RANBP3L: variants seen among roughly 807,000 people sequenced by gnomAD.
The protein encoded by RANBP3L is ran-binding protein 3-like.
Under a neutral mutation model 67.2 loss-of-function variants are expected in RANBP3L, and 56 were observed. The ratio of observed to expected loss-of-function variants is 0.83; its 90% CI spans 0.67 to 1.04. The LOEUF is 1.04. RANBP3L is among the 50% of genes least tolerant of loss of function. RANBP3L has a pLI of 0.00. For missense variants in RANBP3L, 496 were observed against 535.5 expected (o/e 0.93, Z 0.73); for synonymous variants, 164 against 181.4 (o/e 0.90, Z 0.77).
At chr5:36,260,710 T>C (rs1456343382) in intron 8 of RANBP3L, 70 bp downstream of exon 8, 1 of 669,474 alleles carries the variant, frequency 1.5e-6, no homozygotes, top group African/African-American at 1.9e-5. Flanking sequence ...TTACTTTTAA[T>C]TAATTTACCT....
intron 1 of RANBP3L, among the ~76,000 whole-genome samples, chr5:36,293,778 TG>T (rs576302268): frequency 0.018 from 2,765 of 149,640 alleles, 50 homozygotes; most frequent in African/African-American, 0.042. Flanking sequence ...ATAAGCTTTT[TG>T]ATATGCTGCT....
chr5:36,260,092 G>A (rs1032899357), intron 8 of RANBP3L, among the ~76,000 whole-genome samples: 1 of 151,854 alleles, frequency 6.6e-6, no homozygotes, highest in East Asian at 1.9e-4. Flanking sequence ...ATTGGCTCAA[G>A]CTTATAATCC....
chr5:36,292,217 C>G (rs1025919895), intron 1 of RANBP3L, among the ~76,000 whole-genome samples: 2 of 152,058 alleles, frequency 1.3e-5, no homozygotes, highest in South Asian at 4.1e-4. Context: ...AGTGTCTGTT[C>G]ATGTCCTTCA....
At chr5:36,258,594 A>G (rs1221868071) in intron 8 of RANBP3L, among the ~76,000 whole-genome samples, 1 of 152,214 alleles carries the variant, frequency 6.6e-6, no homozygotes, top group East Asian at 1.9e-4. Context: ...TCCTTAAGAT[A>G]TTACCAACTT....
At chr5:36,285,011 G>A (rs1751226821) in intron 1 of RANBP3L, among the ~76,000 whole-genome samples, 2 of 152,192 alleles carry the variant, frequency 1.3e-5, no homozygotes, top group Non-Finnish European at 2.9e-5. Context: ...AGTGAAAGCA[G>A]TCTCCGGAGT....
At chr5:36,269,583 G>A (rs1364758186) in intron 3 of RANBP3L, 116 bp from the exon 4 acceptor site, 5 of 691,104 alleles carry the variant, frequency 7.2e-6, no homozygotes, top group Non-Finnish European at 1.0e-5. Flanking sequence ...TCATTTGATA[G>A]CACATTTTAA....
intron 1 of RANBP3L, among the ~76,000 whole-genome samples, chr5:36,289,157 C>T (rs1751532777): frequency 6.6e-6 from 1 of 152,010 alleles, no homozygotes; most frequent in Non-Finnish European, 1.5e-5. Context: ...TTCCAGGATT[C>T]TTACAGAAAA....
chr5:36,266,662 T>C (rs1437942060), intron 4 of RANBP3L, among the ~76,000 whole-genome samples: 1 of 152,204 alleles, frequency 6.6e-6, no homozygotes, highest in Non-Finnish European at 1.5e-5. Context: ...CGTGCATAGA[T>C]AACTTAAAGT....
At chr5:36,276,624 C>G (rs980236248) in intron 1 of RANBP3L, among the ~76,000 whole-genome samples, 1 of 152,052 alleles carries the variant, frequency 6.6e-6, no homozygotes, top group Non-Finnish European at 1.5e-5. Context: ...ATATACCCCC[C>G]CTAATTTTGG....
In RANBP3L at chr5:36,265,367, A is replaced by G. The variant is rs1300514986; in HGVS notation, c.340+82T>C. The G allele has an allele frequency of 3.4e-6, 3 of 884,428 alleles. No homozygotes were observed. The African/African-American group carries it at 5.1e-5, about 15-fold the overall frequency. 54.8% of individuals were successfully genotyped at this position (884,428 alleles called of 1,614,324 possible). Reference sequence around the variant, plus strand: ...ACTCTGACCTACCTCCATGCCCCCAACACACGCACACATATAGGGAGATGA... The same window carrying G: ...ACTCTGACCTACCTCCATGCCCCCAGCACACGCACACATATAGGGAGATGA... On this transcript the variant is annotated intron_variant, in intron 5 of 13. Transcript: ENST00000296604.
intron 1 of RANBP3L, among the ~76,000 whole-genome samples, chr5:36,272,446 C>G (rs1411881972): frequency 6.6e-6 from 1 of 152,194 alleles, no homozygotes; most frequent in African/African-American, 2.4e-5. Context: ...TGACAAATTT[C>G]AAGAAACTAC....
chr5:36,265,887 G>A (rs1579707085), intron 4 of RANBP3L, among the ~76,000 whole-genome samples: 1 of 146,230 alleles, frequency 6.8e-6, no homozygotes, highest in African/African-American at 2.5e-5. Context: ...TGAGGAAGGA[G>A]AATCTCTTGA....
intron 1 of RANBP3L, among the ~76,000 whole-genome samples, chr5:36,285,587 C>A (rs1279581649): frequency 1.3e-5 from 2 of 152,196 alleles, no homozygotes; most frequent in African/African-American, 4.8e-5. Context: ...TTGGTTATCA[C>A]AGTTGTAATT....
intron 6 of RANBP3L, among the ~76,000 whole-genome samples, chr5:36,264,582 C>A (rs1484009356): frequency 6.6e-6 from 1 of 152,148 alleles, no homozygotes; most frequent in Non-Finnish European, 1.5e-5. Context: ...CCTAAACTGG[C>A]AACGATACAC....
chr5:36,257,693 T>C, intron 8 of RANBP3L, 137 bp from the exon 9 acceptor site: 1 of 458,018 alleles, frequency 2.2e-6, no homozygotes, highest in Non-Finnish European at 3.9e-6. Flanking sequence ...TGTTTTGGAC[T>C]TTCTGTGTGC....
rs190573470 is a variant in RANBP3L, at chr5:36,269,000, G to A, written c.268+390C>T. Among the ~76,000 whole-genome samples the A allele has an allele frequency of 2.8e-3, 429 of 152,204 alleles. 2 individuals carry two copies. Among genetic ancestry groups the A allele is most frequent in the African/African-American group, 9.9e-3 (412 of 41,540 alleles). On this transcript the variant is annotated intron_variant, in intron 4 of 13. Coordinates refer to ENST00000296604, the MANE Select transcript of RANBP3L (RefSeq NM_145000.5). ...GCTGGGATTGCAGGTATGAGCCACC[G>A]CGCCCAGCCTGTGGTTACTTTAAAA...
intron 11 of RANBP3L, among the ~76,000 whole-genome samples, chr5:36,254,255 A>G (rs1197428493): frequency 6.6e-6 from 1 of 152,102 alleles, no homozygotes; most frequent in Non-Finnish European, 1.5e-5. Context: ...AAATTAGGCT[A>G]CAAAGCAAAA....
chr5:36,251,493 C>A lies in RANBP3L; in HGVS notation c.1174G>T (p.Ala392Ser). 1.3e-6 allele frequency: 2 copies of A among 1,599,690 alleles called. No homozygotes were observed. The highest frequency in any genetic ancestry group is 1.3e-5 in the African/African-American group (1 of 74,656). Reference sequence around the variant, plus strand: ...GCATACAAATATGCTGTATCTTGGGCACTGGCCTGCATGAGGAACATTAAA... The same window carrying A: ...GCATACAAATATGCTGTATCTTGGGAACTGGCCTGCATGAGGAACATTAAA... ...SIKIFLIQASAQDTAYLYAAI... is the reference protein window; with the variant it reads ...SIKIFLIQASSQDTAYLYAAI... The change falls in exon 13 of 14, where the codon GCC becomes TCC. Residue 392 changes from alanine (A) to serine (S), a missense_variant. Ala to Ser is a moderately conservative substitution (Grantham distance 99). Coordinates refer to ENST00000296604, the MANE Select transcript of RANBP3L (RefSeq NM_145000.5).
In RANBP3L at chr5:36,301,618, C is replaced by T; in HGVS notation, c.-202G>A. ...TTGAAATAAATAATCACCAATGTTACTTCTCCTAAATATAAAGATGCCAAT... is the reference window on the plus strand; with the variant it reads ...TTGAAATAAATAATCACCAATGTTATTTCTCCTAAATATAAAGATGCCAAT... On this transcript the variant is annotated 5_prime_UTR_variant, in exon 1 of 14. Transcript: ENST00000296604. The T allele has an allele frequency of 2.1e-6, 1 of 487,004 alleles. No homozygotes were observed. The highest frequency in any genetic ancestry group is 3.7e-6 in the Non-Finnish European group (1 of 271,520). 30.2% of individuals were successfully genotyped at this position (487,004 alleles called of 1,614,324 possible).
Sources: gnomAD v4.1 joint callset for allele counts (sites outside exome capture counted in the v4.1 genomes callset) on GRCh38, gnomAD v4.1.1 for gene constraint, MANE v1.5 for transcripts, NCBI Gene and HGNC (gene_info 2026-07-23, HGNC 2026-07-21) for gene names.